The following ZC3H12B variants were observed in gnomAD, a reference collection of about 807,000 sequenced individuals.
ZC3H12B encodes the protein probable ribonuclease ZC3H12B.
ZC3H12B carries 7 observed loss-of-function variants against 43.9 expected under a neutral mutation model. The observed-to-expected ratio is 0.16, with a 90% CI of 0.09 to 0.30. The LOEUF (loss-of-function observed/expected upper bound fraction) is 0.30, where lower values mean the gene tolerates loss of function less well. Ranked by LOEUF, ZC3H12B falls within the 10% of genes least tolerant of loss-of-function variation. The pLI, the probability that ZC3H12B is intolerant of heterozygous loss-of-function variation, is 1.00. For synonymous variants in ZC3H12B, 222 were observed against 241.7 expected (o/e 0.92, Z 0.76); for missense variants, 475 against 670.2 (o/e 0.71, Z 3.22).
At chrX:65,308,029 G>C in the ZC3H12B span, among the ~76,000 whole-genome samples, 4 of 111,432 alleles carry the variant, frequency 3.6e-5, no homozygotes, top group Non-Finnish European at 7.5e-5. Context: ...CACATTTTTA[G>C]TCAAACAAAC....
the ZC3H12B span, among the ~76,000 whole-genome samples, chrX:65,125,927 A>C: frequency 3.6e-5 from 4 of 110,857 alleles, no homozygotes; most frequent in Non-Finnish European, 7.6e-5. Context: ...CTGTTCCTCC[A>C]TTCTATGTAT....
chrX:65,243,991 A>T, the ZC3H12B span, among the ~76,000 whole-genome samples: 1 of 111,704 alleles, frequency 9.0e-6, no homozygotes, highest in Non-Finnish European at 1.9e-5. Flanking sequence ...GGAAGGAGTT[A>T]TAAAGAAAAA....
intron 3 of ZC3H12B, among the ~76,000 whole-genome samples, chrX:65,428,511 A>G (rs1336861373): frequency 8.9e-6 from 1 of 112,429 alleles, no homozygotes; most frequent in Non-Finnish European, 1.9e-5. Flanking sequence ...ATAGTCTTCA[A>G]ACTCTGAGAT....
chrX:65,309,495 C>G, the ZC3H12B span, among the ~76,000 whole-genome samples: 1 of 111,854 alleles, frequency 8.9e-6, no homozygotes, highest in Non-Finnish European at 1.9e-5. Context: ...GAAATTCAGG[C>G]AATAATTAAT....
the ZC3H12B span, among the ~76,000 whole-genome samples, chrX:65,139,160 T>G: frequency 8.9e-6 from 1 of 112,257 alleles, no homozygotes; most frequent in Non-Finnish European, 1.9e-5. Flanking sequence ...AAGTAATCAT[T>G]GCCAACACCA....
the ZC3H12B span, among the ~76,000 whole-genome samples, chrX:65,117,937 C>A: frequency 9.0e-6 from 1 of 110,831 alleles, no homozygotes; most frequent in African/African-American, 3.3e-5. Flanking sequence ...GTTTTTGTAC[C>A]AGTACCATGC....
the ZC3H12B span, among the ~76,000 whole-genome samples, chrX:65,344,618 A>C: frequency 8.9e-6 from 1 of 112,343 alleles, no homozygotes; most frequent in African/African-American, 3.2e-5. Flanking sequence ...AAAAATTCTC[A>C]AAGACAGCCT....
At chrX:65,374,337 G>A (rs2066315380) in intron 2 of ZC3H12B, among the ~76,000 whole-genome samples, 1 of 95,962 alleles carries the variant, frequency 1.0e-5, no homozygotes, top group African/African-American at 3.9e-5. Flanking sequence ...TCACTACCTG[G>A]GTGACAGGAT....
chrX:65,139,303 GTA>G, the ZC3H12B span, among the ~76,000 whole-genome samples: 1 of 112,052 alleles, frequency 8.9e-6, no homozygotes, highest in Non-Finnish European at 1.9e-5. Flanking sequence ...ATCCTTCTGT[GTA>G]TGGATATGCA....
chrX:65,055,101 G>A, the ZC3H12B span, among the ~76,000 whole-genome samples: 1 of 111,019 alleles, frequency 9.0e-6, no homozygotes, highest in Non-Finnish European at 1.9e-5. Context: ...TGATTGCGCT[G>A]GCCAGAACTT....
chrX:65,111,879 T>G, the ZC3H12B span, among the ~76,000 whole-genome samples: 1 of 111,089 alleles, frequency 9.0e-6, no homozygotes, highest in South Asian at 3.8e-4. Flanking sequence ...TGTCTCCCTA[T>G]TTTCTGAGAC....
At chrX:65,503,358 C>T in exon 5 of ZC3H12B, 3 of 488,696 alleles carry the variant, frequency 6.1e-6, no homozygotes, top group Non-Finnish European at 9.5e-6. Flanking sequence ...CTGTGAGGTA[C>T]GTCTTACTAA....
At chrX:65,073,402 G>A in the ZC3H12B span, among the ~76,000 whole-genome samples, 7 of 112,195 alleles carry the variant, frequency 6.2e-5, no homozygotes, top group Non-Finnish European at 5.6e-5. Flanking sequence ...CAGTGCAAGA[G>A]CTACAATGTA....
At chrX:65,357,998 A>C in the ZC3H12B span, among the ~76,000 whole-genome samples, 1 of 103,921 alleles carries the variant, frequency 9.6e-6, no homozygotes, top group Non-Finnish European at 1.9e-5. Flanking sequence ...ATGGATGAAT[A>C]TTAACAAAGC....
At chrX:65,118,424 C>G in the ZC3H12B span, among the ~76,000 whole-genome samples, 2 of 111,783 alleles carry the variant, frequency 1.8e-5, no homozygotes, top group African/African-American at 3.3e-5. Context: ...TATCCTGAGA[C>G]TTTCCTGAAG....
chrX:65,198,312 GTACT>G, the ZC3H12B span, among the ~76,000 whole-genome samples: 2 of 111,755 alleles, frequency 1.8e-5, no homozygotes, highest in Admixed American at 1.9e-4. Flanking sequence ...GTTTTTCTGT[GTACT>G]TACTATTATC....
At chrX:65,408,130 G>T in intron 3 of ZC3H12B, 1 of 1,200,742 alleles carries the variant, frequency 8.3e-7, no homozygotes, top group Non-Finnish European at 1.1e-6. Flanking sequence ...CTGCAGGCCA[G>T]CCCTTCAAGT....
intron 2 of ZC3H12B, among the ~76,000 whole-genome samples, chrX:65,397,372 G>A (rs2066712534): frequency 8.9e-6 from 1 of 111,792 alleles, no homozygotes; most frequent in South Asian, 3.7e-4. Context: ...TCCTTCAGGA[G>A]TTCTTGTAAG....
the ZC3H12B span, among the ~76,000 whole-genome samples, chrX:65,040,889 A>C: frequency 9.0e-6 from 1 of 110,726 alleles, no homozygotes; most frequent in Non-Finnish European, 1.9e-5. Context: ...GGCTCAAGCG[A>C]TCCTCCCACC....
Sources: allele counts gnomAD v4.1 joint callset (sites outside exome capture counted in the v4.1 genomes callset), GRCh38; gene constraint gnomAD v4.1.1; transcripts MANE v1.5; gene names NCBI Gene and HGNC (gene_info 2026-07-23, HGNC 2026-07-21).